ACTR3C: variants seen among roughly 807,000 people sequenced by gnomAD.
ACTR3C encodes actin-related protein 3C.
Under a neutral mutation model 26.3 loss-of-function variants are expected in ACTR3C, and 18 were observed. The ratio of observed to expected loss-of-function variants is 0.68; its 90% CI spans 0.47 to 1.01. The LOEUF (loss-of-function observed/expected upper bound fraction) is 1.01, where lower values mean the gene tolerates loss of function less well. Ranked by LOEUF, ACTR3C falls within the 50% of genes least tolerant of loss-of-function variation. ACTR3C has a pLI of 0.00. For missense variants in ACTR3C, 184 were observed against 250.7 expected (o/e 0.73, Z 1.80); for synonymous variants, 55 against 94.5 (o/e 0.58, Z 2.42).
intron 1 of ACTR3C, among the ~76,000 whole-genome samples, chr7:150,315,220 TAA>T (rs1796748481): frequency 6.6e-6 from 1 of 151,630 alleles, no homozygotes; most frequent in Non-Finnish European, 1.5e-5. Flanking sequence ...GCAATGACTA[TAA>T]AAGACTGACA....
the ACTR3C span, among the ~76,000 whole-genome samples, chr7:150,148,160 A>AAAAAG: frequency 5.5e-5 from 8 of 146,570 alleles, no homozygotes; most frequent in Admixed American, 1.3e-4. Context: ...AGTTAAAAAA[A>AAAAAG]AAAAGAAAAG....
the ACTR3C span, among the ~76,000 whole-genome samples, chr7:150,011,234 A>G: frequency 3.3e-5 from 5 of 152,248 alleles, no homozygotes; most frequent in African/African-American, 9.6e-5. Context: ...CTAAATAACC[A>G]GGACAATGCA....
At chr7:149,949,787 T>C in the ACTR3C span, among the ~76,000 whole-genome samples, 2 of 145,292 alleles carry the variant, frequency 1.4e-5, no homozygotes, top group Non-Finnish European at 2.9e-5. Flanking sequence ...GGATTCCCTG[T>C]TTTTTCAGAC....
At chr7:150,166,001 C>A in the ACTR3C span, among the ~76,000 whole-genome samples, 1 of 151,718 alleles carries the variant, frequency 6.6e-6, no homozygotes, top group African/African-American at 2.4e-5. Context: ...ACTGTGAAAA[C>A]TGAAACACAC....
the ACTR3C span, among the ~76,000 whole-genome samples, chr7:149,987,528 C>T: frequency 2.7e-4 from 40 of 147,122 alleles, no homozygotes; most frequent in South Asian, 3.2e-3. Flanking sequence ...GATTGTGCCA[C>T]AGCAGTCCAG....
chr7:150,221,003 G>T, the ACTR3C span, among the ~76,000 whole-genome samples: 1 of 152,278 alleles, frequency 6.6e-6, no homozygotes, highest in Non-Finnish European at 1.5e-5. Flanking sequence ...AAGAGGTTTT[G>T]CCAGGAACCA....
the ACTR3C span, among the ~76,000 whole-genome samples, chr7:150,183,420 G>T: frequency 1.7e-4 from 26 of 149,798 alleles, 3 homozygotes; most frequent in African/African-American, 6.4e-4. Flanking sequence ...TTATAACAAT[G>T]TTGCTGTGAA....
the ACTR3C span, chr7:150,002,494 C>A: frequency 1.3e-5 from 2 of 152,266 alleles, no homozygotes; most frequent in Non-Finnish European, 2.9e-5. Context: ...TTCCCTTGAA[C>A]AATCCGACAG....
At chr7:150,213,346 C>T in the ACTR3C span, among the ~76,000 whole-genome samples, 1 of 152,058 alleles carries the variant, frequency 6.6e-6, no homozygotes, top group Non-Finnish European at 1.5e-5. Context: ...TTTGCCATGT[C>T]CCGTAGCCTG....
the ACTR3C span, among the ~76,000 whole-genome samples, chr7:150,123,346 C>A: frequency 3.3e-5 from 5 of 151,912 alleles, no homozygotes; most frequent in East Asian, 9.6e-4. Context: ...GACAGATGCA[C>A]GTAAAGCTGT....
chr7:150,157,295 G>A, the ACTR3C span, among the ~76,000 whole-genome samples: 50 of 152,114 alleles, frequency 3.3e-4, no homozygotes, highest in Non-Finnish European at 5.3e-4. Context: ...CTTCTGCTAA[G>A]ATACAAAGAT....
chr7:149,888,578 A>C, the ACTR3C span, among the ~76,000 whole-genome samples: 3 of 152,030 alleles, frequency 2.0e-5, no homozygotes, highest in South Asian at 2.1e-4. Context: ...TTCCCTATTG[A>C]TTTATAGAAG....
chr7:150,116,513 G>T, the ACTR3C span, among the ~76,000 whole-genome samples: 5 of 152,146 alleles, frequency 3.3e-5, no homozygotes, highest in South Asian at 6.2e-4. Flanking sequence ...TGCAATAAAG[G>T]TTTCTTGAAC....
At chr7:149,984,979 G>A in the ACTR3C span, among the ~76,000 whole-genome samples, 48 of 152,218 alleles carry the variant, frequency 3.2e-4, no homozygotes, top group African/African-American at 1.1e-3. Context: ...CCTGCCTTAT[G>A]CCTAAAAATA....
chr7:150,007,447 C>T, the ACTR3C span, among the ~76,000 whole-genome samples: 3 of 152,102 alleles, frequency 2.0e-5, no homozygotes, highest in Admixed American at 1.3e-4. Flanking sequence ...CCAAGAACGG[C>T]GATTCTCACC....
chr7:150,148,458 C>T, the ACTR3C span, among the ~76,000 whole-genome samples: 1 of 152,080 alleles, frequency 6.6e-6, no homozygotes, highest in African/African-American at 2.4e-5. Flanking sequence ...GCCTGGGCGA[C>T]AGAGCAAGAC....
the ACTR3C span, among the ~76,000 whole-genome samples, chr7:150,201,787 T>C: frequency 4.1e-4 from 62 of 152,132 alleles, no homozygotes; most frequent in Non-Finnish European, 1.5e-5. Flanking sequence ...TTTTTGAAAG[T>C]TGGGTAACAC....
chr7:150,130,626 AT>A, the ACTR3C span, among the ~76,000 whole-genome samples: 1 of 152,342 alleles, frequency 6.6e-6, no homozygotes, highest in South Asian at 2.1e-4. Flanking sequence ...ATGACCAGTA[AT>A]TCTACTAAAT....
At chr7:149,967,578 T>C in the ACTR3C span, among the ~76,000 whole-genome samples, 1 of 152,192 alleles carries the variant, frequency 6.6e-6, no homozygotes, top group African/African-American at 2.4e-5. Flanking sequence ...AAAAATGAAC[T>C]CTGGTCCACA....
Sources: gnomAD v4.1 joint callset for allele counts (sites outside exome capture counted in the v4.1 genomes callset) on GRCh38, gnomAD v4.1.1 for gene constraint, MANE v1.5 for transcripts, NCBI Gene and HGNC (gene_info 2026-07-23, HGNC 2026-07-21) for gene names.